Variants in KCNIP4 observed in about 807,000 individuals in gnomAD.
KCNIP4 encodes the protein Kv channel-interacting protein 4.
KCNIP4 carries 12 observed loss-of-function variants against 34.0 expected under a neutral mutation model. The ratio of observed to expected loss-of-function variants is 0.35; its 90% confidence interval spans 0.23 to 0.57. KCNIP4 has a LOEUF of 0.57. KCNIP4 is among the 20% of genes least tolerant of loss of function. KCNIP4 has a pLI of 0.83. For missense variants in KCNIP4, 238 were observed against 311.7 expected, an observed-to-expected ratio of 0.76 and a Z score of 1.78; for synonymous variants, 124 against 102.2, an observed-to-expected ratio of 1.21 and a Z score of -1.29.
At chr4:21,013,305 T>A (rs972487194) in intron 1 of KCNIP4, among the ~76,000 whole-genome samples, 1 of 152,068 alleles carries the variant, frequency 6.6e-6, no homozygotes, top group African/African-American at 2.4e-5. Flanking sequence ...AGGTGAAGAC[T>A]TTCAGGGAGG....
At chr4:20,766,245 A>C (rs979975789) in intron 3 of KCNIP4, among the ~76,000 whole-genome samples, 2 of 152,208 alleles carry the variant, frequency 1.3e-5, no homozygotes, top group Middle Eastern at 3.2e-3. Context: ...TAATCTATAG[A>C]TCACAGAATC....
At chr4:21,680,606 T>C (rs756416162) in intron 1 of KCNIP4, among the ~76,000 whole-genome samples, 1 of 152,326 alleles carries the variant, frequency 6.6e-6, no homozygotes, top group Non-Finnish European at 1.5e-5. Context: ...TCTTCAGTAA[T>C]AAGACTTGGA....
intron 3 of KCNIP4, among the ~76,000 whole-genome samples, chr4:20,796,466 C>T (rs762696393): frequency 9.9e-5 from 15 of 152,092 alleles, no homozygotes; most frequent in Non-Finnish European, 2.2e-4. Context: ...TGTGTTGGCT[C>T]ATTGGACAGA....
At chr4:21,455,479 A>C (rs1728846202) in intron 1 of KCNIP4, among the ~76,000 whole-genome samples, 1 of 152,004 alleles carries the variant, frequency 6.6e-6, no homozygotes, top group South Asian at 2.1e-4. Flanking sequence ...AAAACAACTA[A>C]AACGTGACTG....
chr4:20,967,511 G>T (rs1435582988), intron 1 of KCNIP4, among the ~76,000 whole-genome samples: 1 of 152,144 alleles, frequency 6.6e-6, no homozygotes, highest in Non-Finnish European at 1.5e-5. Flanking sequence ...GAGGCATCAT[G>T]CTACCTGACT....
intron 1 of KCNIP4, among the ~76,000 whole-genome samples, chr4:21,654,132 A>G (rs1338096163): frequency 6.6e-6 from 1 of 152,226 alleles, no homozygotes; most frequent in Non-Finnish European, 1.5e-5. Context: ...TCAAATGTGG[A>G]TAAACTAATA....
At chr4:20,739,454 G>A (rs1185509377) in intron 5 of KCNIP4, among the ~76,000 whole-genome samples, 1 of 152,194 alleles carries the variant, frequency 6.6e-6, no homozygotes, top group Non-Finnish European at 1.5e-5. Flanking sequence ...GGCAAACAGG[G>A]TCTGGAGTGG....
At chr4:21,746,063 C>G (rs955881378) in intron 1 of KCNIP4, among the ~76,000 whole-genome samples, 2 of 152,098 alleles carry the variant, frequency 1.3e-5, no homozygotes, top group South Asian at 4.2e-4. Context: ...TTGCAAATGG[C>G]CACATTCTTG....
At chr4:21,734,665 T>A (rs1445105867) in intron 1 of KCNIP4, among the ~76,000 whole-genome samples, 1 of 152,134 alleles carries the variant, frequency 6.6e-6, no homozygotes, top group African/African-American at 2.4e-5. Flanking sequence ...TAGACAAAAA[T>A]TTTTTAAAGT....
At position 21,418,983 on chromosome 4, in the gene KCNIP4, GAA is replaced by G. The variant is rs561331095; in HGVS notation, c.61+529586_61+529587del. 6.6e-5 allele frequency among the ~76,000 whole-genome samples: 10 copies of G among 152,308 alleles called. No individual in the cohort carries two copies. In the East Asian group the frequency reaches 1.9e-3, roughly 29 times the overall value. ...AATCAAGGACCAGTCAAGGAATAGA[GAA>G]AGTATGTAATTCCTTCAGCCTCTAA... On this transcript the variant is annotated intron_variant, in intron 1 of 8. Coordinates refer to ENST00000382152, the MANE Select transcript of KCNIP4 (RefSeq NM_025221.6).
intron 1 of KCNIP4, among the ~76,000 whole-genome samples, chr4:21,888,609 T>C (rs1308480297): frequency 6.6e-6 from 1 of 152,080 alleles, no homozygotes; most frequent in Non-Finnish European, 1.5e-5. Context: ...TCAGGTGCAA[T>C]CATGCCAGAA....
intron 1 of KCNIP4, among the ~76,000 whole-genome samples, chr4:21,632,251 T>A (rs1394421311): frequency 6.6e-6 from 1 of 152,178 alleles, no homozygotes; most frequent in East Asian, 1.9e-4. Flanking sequence ...TTCGCTCTTG[T>A]TGCCCAGGCT....
At chr4:21,264,581 T>C (rs1158099506) in intron 1 of KCNIP4, among the ~76,000 whole-genome samples, 1 of 152,178 alleles carries the variant, frequency 6.6e-6, no homozygotes, top group Non-Finnish European at 1.5e-5. Context: ...ACACCCACCA[T>C]GCTCATCAAG....
intron 1 of KCNIP4, among the ~76,000 whole-genome samples, chr4:21,143,653 C>T (rs971795873): frequency 3.9e-5 from 6 of 151,950 alleles, no homozygotes; most frequent in African/African-American, 1.5e-4. Context: ...AAAACTAATA[C>T]ACTTGGTGTT....
At chr4:21,722,106 T>C (rs1454568604) in intron 1 of KCNIP4, among the ~76,000 whole-genome samples, 19 of 152,190 alleles carry the variant, frequency 1.2e-4, no homozygotes, top group Admixed American at 1.2e-3. Context: ...TACCATTCTA[T>C]TGAGCTCATT....
At chr4:20,951,502 C>T (rs897685439) in intron 1 of KCNIP4, among the ~76,000 whole-genome samples, 2 of 152,070 alleles carry the variant, frequency 1.3e-5, no homozygotes, top group African/African-American at 2.4e-5. Context: ...TTTTTTAAGT[C>T]TTAAATGAGA....
At chr4:20,774,273 C>T (rs1357078015) in intron 3 of KCNIP4, among the ~76,000 whole-genome samples, 3 of 152,042 alleles carry the variant, frequency 2.0e-5, no homozygotes, top group Non-Finnish European at 4.4e-5. Flanking sequence ...TAAATACCAT[C>T]TGCTTATTTA....
At chr4:20,774,967 A>G (rs1183492986) in intron 3 of KCNIP4, among the ~76,000 whole-genome samples, 1 of 152,206 alleles carries the variant, frequency 6.6e-6, no homozygotes, top group Non-Finnish European at 1.5e-5. Context: ...AGTGCCCAGC[A>G]CAATCCCAAT....
In KCNIP4 at chr4:21,642,848, G is replaced by T. The variant is rs569464181; in HGVS notation, c.61+305723C>A. Among the ~76,000 whole-genome samples the T allele has an allele frequency of 3.9e-5, 6 of 152,200 alleles. No individual in the cohort carries two copies. The East Asian group carries it at 1.2e-3, about 29-fold the overall frequency. On this transcript the variant is annotated intron_variant, in intron 1 of 8. Coordinates refer to ENST00000382152, the MANE Select transcript of KCNIP4 (RefSeq NM_025221.6). ...GGTACTCTACAATGGAAATAAGGAA[G>T]AATATGTCTGAAATATAGAAGATCC...
Sources: allele counts gnomAD v4.1 joint callset (sites outside exome capture counted in the v4.1 genomes callset), GRCh38; gene constraint gnomAD v4.1.1; transcripts MANE v1.5; gene names NCBI Gene and HGNC (gene_info 2026-07-23, HGNC 2026-07-21).